The following SLC16A10 variants were observed in gnomAD, a reference collection of about 807,000 sequenced individuals.
SLC16A10 encodes solute carrier family 16 member 10.
SLC16A10 carries 27 observed loss-of-function variants against 40.0 expected under a neutral mutation model. That is an observed-to-expected ratio of 0.67 (90% CI 0.50 to 0.93). SLC16A10 has a LOEUF of 0.93. SLC16A10 is among the 40% of genes least tolerant of loss of function. SLC16A10 has a pLI of 0.00. For missense variants in SLC16A10, 529 were observed against 658.2 expected, an observed-to-expected ratio of 0.80 and a Z score of 2.15; for synonymous variants, 213 against 249.8, an observed-to-expected ratio of 0.85 and a Z score of 1.39.
chr6:111,162,274 C>G (rs1280625526), intron 1 of SLC16A10, among the ~76,000 whole-genome samples: 1 of 152,170 alleles, frequency 6.6e-6, no homozygotes, highest in Non-Finnish European at 1.5e-5. Context: ...CTCTGTTCCA[C>G]AAGGAATTTC....
In SLC16A10 at chr6:111,098,097, C is replaced by T. The variant is rs148925824; in HGVS notation, c.343+10002C>T. On this transcript the variant is annotated intron_variant, in intron 1 of 5. Coordinates refer to ENST00000368851, the MANE Select transcript of SLC16A10 (RefSeq NM_018593.5). Reference sequence around the variant, plus strand: ...CGAGGTGGGCGGATCACTTGAGGTCCGGAGTTAGAGACCAGCCTGACCAAC... The same window carrying T: ...CGAGGTGGGCGGATCACTTGAGGTCTGGAGTTAGAGACCAGCCTGACCAAC... Among the ~76,000 whole-genome samples the T allele has an allele frequency of 2.6e-3, 389 of 152,102 alleles. 3 individuals are homozygous for T. Among genetic ancestry groups the T allele is most frequent in the African/African-American group, 8.8e-3 (365 of 41,516 alleles).
At chr6:111,209,360 G>A (rs373407840) in intron 4 of SLC16A10, among the ~76,000 whole-genome samples, 1 of 152,274 alleles carries the variant, frequency 6.6e-6, no homozygotes, top group South Asian at 2.1e-4. Flanking sequence ...AAGCCACTTA[G>A]GCTGGATCTG....
intron 1 of SLC16A10, among the ~76,000 whole-genome samples, chr6:111,100,008 C>CAAG (rs1468659719): frequency 8.1e-6 from 1 of 124,214 alleles, no homozygotes; most frequent in African/African-American, 3.1e-5. Context: ...GGCAGCAGAG[C>CAAG]AAGACCCTGT....
intron 1 of SLC16A10, among the ~76,000 whole-genome samples, chr6:111,140,280 T>C (rs1215940523): frequency 6.6e-6 from 1 of 151,914 alleles, no homozygotes; most frequent in Non-Finnish European, 1.5e-5. Context: ...CCAGGCAACA[T>C]AGCAGAACCC....
At chr6:111,213,335 CAT>C (rs1773374455) in intron 4 of SLC16A10, among the ~76,000 whole-genome samples, 1 of 151,702 alleles carries the variant, frequency 6.6e-6, no homozygotes. Context: ...GGAAGACTTT[CAT>C]ATATTACTGT....
At chr6:111,161,460 A>G (rs1056175031) in intron 1 of SLC16A10, among the ~76,000 whole-genome samples, 1 of 151,918 alleles carries the variant, frequency 6.6e-6, no homozygotes, top group African/African-American at 2.4e-5. Context: ...TGCTGCTATC[A>G]GTTCTCCCCT....
At chr6:111,126,892 A>G (rs1394141668) in intron 1 of SLC16A10, among the ~76,000 whole-genome samples, 1 of 152,222 alleles carries the variant, frequency 6.6e-6, no homozygotes, top group Non-Finnish European at 1.5e-5. Context: ...TTCTCATTGT[A>G]AAATGGAGGA....
chr6:111,181,970 T>TTTTTGTTTTG (rs370869552), intron 3 of SLC16A10, among the ~76,000 whole-genome samples: 1 of 151,982 alleles, frequency 6.6e-6, no homozygotes, highest in Non-Finnish European at 1.5e-5. Flanking sequence ...CTGGAATCTT[T>TTTTTGTTTTG]TTTTGTTTTG....
chr6:111,164,258 T>C (rs1291406239), intron 1 of SLC16A10, among the ~76,000 whole-genome samples: 1 of 148,582 alleles, frequency 6.7e-6, no homozygotes, highest in East Asian at 1.9e-4. Flanking sequence ...TTACTTTCCT[T>C]ACACACCTTG....
At chr6:111,187,832 T>C (rs1772924930) in intron 3 of SLC16A10, among the ~76,000 whole-genome samples, 1 of 152,248 alleles carries the variant, frequency 6.6e-6, no homozygotes, top group South Asian at 2.1e-4. Context: ...ATGGATCTAT[T>C]TGGAGCTCAG....
intron 1 of SLC16A10, among the ~76,000 whole-genome samples, chr6:111,122,605 C>T (rs1771603378): frequency 1.3e-5 from 2 of 152,166 alleles, no homozygotes; most frequent in Admixed American, 1.3e-4. Context: ...CTTGTTACTT[C>T]TTGTTCTTAT....
intron 1 of SLC16A10, among the ~76,000 whole-genome samples, chr6:111,160,225 A>G (rs950712629): frequency 6.6e-6 from 1 of 152,138 alleles, no homozygotes; most frequent in Non-Finnish European, 1.5e-5. Context: ...CAAGATCACA[A>G]AGATTTTCTC....
chr6:111,196,000 AAAAAAAACAAT>A (rs1773074140), intron 3 of SLC16A10, among the ~76,000 whole-genome samples: 1 of 152,070 alleles, frequency 6.6e-6, no homozygotes, highest in Non-Finnish European at 1.5e-5. Flanking sequence ...ATTTGGGGGA[AAAAAAAACAAT>A]AAAAAAACAC....
chr6:111,112,250 G>C (rs1771402667), intron 1 of SLC16A10, among the ~76,000 whole-genome samples: 1 of 151,742 alleles, frequency 6.6e-6, no homozygotes, highest in Non-Finnish European at 1.5e-5. Context: ...GCCTAGGCTG[G>C]CCTCAAACCT....
intron 3 of SLC16A10, 132 bp downstream of exon 3, chr6:111,177,797 A>C: frequency 1.3e-6 from 1 of 752,408 alleles, no homozygotes; most frequent in Non-Finnish European, 2.0e-6. Context: ...TCTTGAAATG[A>C]AAGGTCTCTC....
chr6:111,094,724 A>G (rs2114429354), intron 1 of SLC16A10, among the ~76,000 whole-genome samples: 1 of 152,210 alleles, frequency 6.6e-6, no homozygotes, highest in Non-Finnish European at 1.5e-5. Context: ...TGCAGCCTCA[A>G]ACTTCTAAGC....
intron 1 of SLC16A10, among the ~76,000 whole-genome samples, chr6:111,101,088 T>A (rs1357627272): frequency 6.6e-6 from 1 of 150,744 alleles, no homozygotes; most frequent in Non-Finnish European, 1.5e-5. Flanking sequence ...TGGAGTGCAG[T>A]GGTGGGATCA....
chr6:111,105,096 C>G (rs1473551902), intron 1 of SLC16A10, among the ~76,000 whole-genome samples: 1 of 152,008 alleles, frequency 6.6e-6, no homozygotes, highest in Non-Finnish European at 1.5e-5. Flanking sequence ...TTGGCATGTT[C>G]CTCCTCCTTT....
At chr6:111,178,567 AAAGAAG>A in intron 3 of SLC16A10, 10 of 353,036 alleles carry the variant, frequency 2.8e-5, no homozygotes, top group East Asian at 1.7e-4. Context: ...GAAAAAAAAA[AAAGAAG>A]GAAGAAGCAG....
Sources: gnomAD v4.1 joint callset for allele counts (sites outside exome capture counted in the v4.1 genomes callset) on GRCh38, gnomAD v4.1.1 for gene constraint, MANE v1.5 for transcripts, NCBI Gene and HGNC (gene_info 2026-07-23, HGNC 2026-07-21) for gene names.